Variants in C8orf74 observed in about 807,000 individuals in gnomAD.
The protein encoded by C8orf74 is uncharacterized protein C8orf74.
C8orf74 carries 29 observed loss-of-function variants against 22.2 expected under a neutral mutation model. The observed-to-expected ratio is 1.31, with a 90% CI of 0.97 to 1.78. The LOEUF (loss-of-function observed/expected upper bound fraction) is 1.78. Ranked by LOEUF, C8orf74 falls within the 40% of genes most tolerant of loss-of-function variation. The probability of loss-of-function intolerance (pLI) is 0.00; values close to 1 mark genes in which losing one functional copy is unlikely to be tolerated. For missense variants in C8orf74, 515 were observed against 369.9 expected (o/e 1.39, Z -3.22); for synonymous variants, 255 against 163.1 (o/e 1.56, Z -4.30).
chr8:10,698,104 AG>A (rs1799572253), intron 3 of C8orf74, 99 bp downstream of exon 3: 2 of 1,209,326 alleles, frequency 1.7e-6, no homozygotes, highest in African/African-American at 3.1e-5. Context: ...AGTGGCACAC[AG>A]GGGAGGGGGA....
intron 2 of C8orf74, among the ~76,000 whole-genome samples, chr8:10,682,161 C>A (rs1799165029): frequency 6.6e-6 from 1 of 152,154 alleles, no homozygotes; most frequent in Admixed American, 6.5e-5. Flanking sequence ...CCAAGGACCC[C>A]TCCTTCCCAA....
At chr8:10,697,218 C>T (rs1478078733) in intron 2 of C8orf74, among the ~76,000 whole-genome samples, 2 of 152,166 alleles carry the variant, frequency 1.3e-5, no homozygotes, top group South Asian at 2.1e-4. Flanking sequence ...GCAGGAGGAT[C>T]GCTTGAGCTC....
chr8:10,693,355 C>T (rs186118968), intron 2 of C8orf74, among the ~76,000 whole-genome samples: 1 of 152,324 alleles, frequency 6.6e-6, no homozygotes, highest in African/African-American at 2.4e-5. Flanking sequence ...TTCTTCCTGT[C>T]ATGTGTGCTG....
intron 1 of C8orf74, among the ~76,000 whole-genome samples, chr8:10,673,047 CT>C: frequency 6.6e-6 from 1 of 152,238 alleles, no homozygotes; most frequent in East Asian, 1.9e-4. Context: ...GGCTCTGCTG[CT>C]TTCTAGGGGG....
At chr8:10,680,543 G>A (rs1799127246) in intron 2 of C8orf74, among the ~76,000 whole-genome samples, 1 of 152,216 alleles carries the variant, frequency 6.6e-6, no homozygotes, top group South Asian at 2.1e-4. Flanking sequence ...AGAAGGAGCT[G>A]CACGCAGGCC....
chr8:10,698,100 A>G, intron 3 of C8orf74, 95 bp downstream of exon 3: 1 of 1,242,968 alleles, frequency 8.0e-7, no homozygotes, highest in Middle Eastern at 2.8e-4. Flanking sequence ...CCTCAGTGGC[A>G]CACAGGGGAG....
intron 2 of C8orf74, among the ~76,000 whole-genome samples, chr8:10,682,299 C>T (rs904209701): frequency 6.6e-6 from 1 of 152,192 alleles, no homozygotes; most frequent in Non-Finnish European, 1.5e-5. Flanking sequence ...TTGGGACAAA[C>T]GAGCAGCTCT....
Position 10,697,916 on chromosome 8 carries a change from G to C in C8orf74, c.559G>C (p.Glu187Gln). The change falls in exon 3 of 4, where the codon GAG becomes CAG. Residue 187 changes from glutamate to glutamine, a missense_variant. Glu to Gln is a conservative substitution (Grantham distance 29, BLOSUM62 2). Transcript: ENST00000304519. ...QKRADVLLLK[E>Q]ALRLERENSL... is the part of the protein sequence containing the mutation. ...GCGCGCCGACGTGCTGCTCCTGAAA[G>C]AGGCGCTGCGCCTGGAGCGGGAGAA... The C allele has an allele frequency of 6.2e-7, 1 of 1,602,284 alleles. No homozygotes were observed. Among genetic ancestry groups the C allele is most frequent in the South Asian group, 1.1e-5 (1 of 90,512 alleles).
chr8:10,681,914 C>T (rs1439462193), intron 2 of C8orf74, among the ~76,000 whole-genome samples: 1 of 152,092 alleles, frequency 6.6e-6, no homozygotes, highest in Non-Finnish European at 1.5e-5. Context: ...AAAGGAAATG[C>T]TGCCCAGGTA....
At chr8:10,695,182 C>T (rs1799464507) in intron 2 of C8orf74, among the ~76,000 whole-genome samples, 1 of 152,154 alleles carries the variant, frequency 6.6e-6, no homozygotes, top group Non-Finnish European at 1.5e-5. Context: ...TTGTATTAGG[C>T]TCTGTACGAA....
chr8:10,700,298 C>G lies in C8orf74; in HGVS notation c.712C>G (p.Gln238Glu). ...TQMELLQELLQRQIQNTFAIL... is the reference protein window; with the variant it reads ...TQMELLQELLERQIQNTFAIL... ...GATGGAGCTCCTGCAGGAGCTGCTG[C>G]AGCGCCAGATCCAGAACACATTCGC... The change falls in exon 4 of 4, where the codon CAG becomes GAG. Residue 238 changes from glutamine to glutamate, a missense_variant. Transcript: ENST00000304519. 6.2e-7 allele frequency: 1 copy of G among 1,613,614 alleles called. No individual in the cohort carries two copies. Among genetic ancestry groups the G allele is most frequent in the Non-Finnish European group, 8.5e-7 (1 of 1,179,638 alleles).
chr8:10,684,023 G>A (rs921755894), intron 2 of C8orf74, among the ~76,000 whole-genome samples: 5 of 152,290 alleles, frequency 3.3e-5, no homozygotes, highest in Admixed American at 1.3e-4. Flanking sequence ...TAGGCAGGAG[G>A]TGACTGCAGC....
In C8orf74 at chr8:10,700,419, C is replaced by A; in HGVS notation, c.833C>A (p.Ala278Asp). ...ACCAGCCACGCAGGCCAGGAGGAAG[C>A]CCTGAAGCCCCAAAGAGCGAGCAAA... ...PITSHAGQEE[A>D]LKPQRASKGK... The change falls in exon 4 of 4, where the codon GCC becomes GAC. Residue 278 changes from alanine to aspartate, a missense_variant. By Grantham distance (126) the Ala-to-Asp change is moderately radical (BLOSUM62 -2). Coordinates refer to ENST00000304519, the MANE Select transcript of C8orf74 (RefSeq NM_001040032.2). 2 of 1,609,832 alleles carry A rather than the reference C, an allele frequency of 1.2e-6. No individual in the cohort carries two copies. Among genetic ancestry groups the A allele is most frequent in the South Asian group, 1.1e-5 (1 of 90,688 alleles).
chr8:10,687,320 C>A (rs1378025299), intron 2 of C8orf74: 1 of 321,604 alleles, frequency 3.1e-6, no homozygotes, highest in Non-Finnish European at 6.2e-6. Context: ...TCAATATATG[C>A]AATGGTTTTT....
intron 2 of C8orf74, among the ~76,000 whole-genome samples, chr8:10,685,210 A>G (rs1289452521): frequency 3.9e-5 from 6 of 152,264 alleles, no homozygotes; most frequent in Non-Finnish European, 8.8e-5. Flanking sequence ...CTTAAAAGAC[A>G]TAGTGGATAG....
chr8:10,681,662 C>G (rs1355096466), intron 2 of C8orf74, among the ~76,000 whole-genome samples: 2 of 152,242 alleles, frequency 1.3e-5, no homozygotes, highest in African/African-American at 4.8e-5. Context: ...CCACTCTGAC[C>G]TCTGTGCTGC....
chr8:10,691,572 C>T (rs1251172470), intron 2 of C8orf74: 1 of 153,062 alleles, frequency 6.5e-6, no homozygotes, highest in Non-Finnish European at 1.5e-5. Context: ...CTGTCGCACA[C>T]ACACAGGCCC....
intron 2 of C8orf74, among the ~76,000 whole-genome samples, chr8:10,678,589 AT>A (rs1239187717): frequency 2.3e-5 from 3 of 129,176 alleles, no homozygotes; most frequent in East Asian, 4.1e-4. Context: ...CCAGGAAGTA[AT>A]TTAAAAAAAA....
Position 10,697,759 on chromosome 8 carries a change from G to C in C8orf74, c.402G>C (p.Gln134His). The C allele has an allele frequency of 1.2e-6, 2 of 1,614,072 alleles. No homozygotes were observed. Among genetic ancestry groups the C allele is most frequent in the South Asian group, 2.2e-5 (2 of 91,088 alleles). ...LYQYVLGQDQQVDLTVAHLEV... is the reference protein window; with the variant it reads ...LYQYVLGQDQHVDLTVAHLEV... ...AGTATGTCCTGGGCCAGGACCAGCA[G>C]GTCGACCTGACCGTTGCCCACCTGG... Residue 134 changes from glutamine (Q) to histidine (H), a missense_variant, in exon 3 of 4, where the codon CAG (glutamine) becomes CAC (histidine). Physicochemically the swap from Gln to His is conservative, Grantham distance 24 (BLOSUM62 0). Transcript: ENST00000304519.
Sources: gnomAD v4.1 joint callset for allele counts (sites outside exome capture counted in the v4.1 genomes callset) on GRCh38, gnomAD v4.1.1 for gene constraint, MANE v1.5 for transcripts, NCBI Gene and HGNC (gene_info 2026-07-23, HGNC 2026-07-21) for gene names.